Variants in GRID1 observed in about 807,000 individuals in gnomAD.
GRID1 encodes the protein glutamate receptor ionotropic, delta-1.
In GRID1, 28 loss-of-function variants were observed where a neutral mutation model predicts 98.0. That is an observed-to-expected ratio of 0.29 (90% CI 0.21 to 0.39). The LOEUF (loss-of-function observed/expected upper bound fraction) is 0.39. GRID1 is among the 10% of genes least tolerant of loss of function. The probability of loss-of-function intolerance (pLI) is 1.00; values close to 1 mark genes in which losing one functional copy is unlikely to be tolerated. For synonymous variants in GRID1, 553 were observed against 538.5 expected (o/e 1.03, Z -0.37); for missense variants, 1,111 against 1,340.5 (o/e 0.83, Z 2.67).
chr10:85,911,861 T>A (rs1210289763), intron 5 of GRID1, among the ~76,000 whole-genome samples: 1 of 152,110 alleles, frequency 6.6e-6, no homozygotes, highest in East Asian at 1.9e-4. Flanking sequence ...AGGAAACATT[T>A]TACCTCAGCT....
intron 2 of GRID1, among the ~76,000 whole-genome samples, 155 bp downstream of exon 2, chr10:86,363,786 G>A (rs1013450110): frequency 1.2e-4 from 18 of 152,192 alleles, no homozygotes; most frequent in African/African-American, 3.9e-4. Context: ...TGCCTAGGTG[G>A]GCCGGGGAAG....
rs1845889232 is a variant in GRID1, at chr10:86,197,315, G to C, written c.520+9049C>G. Among the ~76,000 whole-genome samples the C allele has an allele frequency of 2.0e-5, 3 of 152,120 alleles. No homozygotes were observed. In the East Asian group the frequency reaches 5.8e-4, roughly 29 times the overall value. On this transcript the variant is annotated intron_variant, in intron 3 of 15. Transcript: ENST00000327946. ...GCCCAAAGCCTCTGCAGCAGGTTGT[G>C]CCGGGCACGCTCATGGAGCAGCAAG...
intron 3 of GRID1, among the ~76,000 whole-genome samples, chr10:86,153,592 G>C (rs1845200810): frequency 6.6e-6 from 1 of 152,114 alleles, no homozygotes; most frequent in Non-Finnish European, 1.5e-5. Flanking sequence ...GCTCAAGATG[G>C]GGCTGGTGGT....
intron 4 of GRID1, among the ~76,000 whole-genome samples, chr10:86,006,963 A>G (rs780237411): frequency 2.0e-5 from 3 of 152,080 alleles, no homozygotes; most frequent in Non-Finnish European, 4.4e-5. Context: ...GGGATGGTAA[A>G]CTACCCAGCA....
intron 8 of GRID1, among the ~76,000 whole-genome samples, chr10:85,771,963 C>G (rs1005479642): frequency 7.2e-5 from 11 of 152,126 alleles, no homozygotes; most frequent in Non-Finnish European, 1.0e-4. Context: ...AGCTCTGCAC[C>G]AAGTGGACCT....
rs1554825169 is a variant in GRID1 at position 85,692,677 on chromosome 10, A to AAG, written c.1997+30325_1997+30326insCT. On this transcript the variant is annotated intron_variant, in intron 12 of 15. Transcript: ENST00000327946. ...GTGAGACCCTGTTAAAAAAAAAAAA[A>AAG]AAGAAGAAGAAGAAGAAAGAAACAC... Among the ~76,000 whole-genome samples, 349 of 150,188 alleles carry AAG rather than the reference A, an allele frequency of 2.3e-3. 2 individuals are homozygous for AAG. Among genetic ancestry groups the AAG allele is most frequent in the Middle Eastern group, 0.014 (4 of 294 alleles).
intron 4 of GRID1, among the ~76,000 whole-genome samples, chr10:85,943,018 A>G (rs1842014091): frequency 6.6e-6 from 1 of 152,230 alleles, no homozygotes; most frequent in South Asian, 2.1e-4. Flanking sequence ...AAACTATTCT[A>G]TTATTCCATT....
intron 2 of GRID1, among the ~76,000 whole-genome samples, chr10:86,320,952 T>G (rs1280656575): frequency 1.3e-5 from 2 of 151,684 alleles, no homozygotes; most frequent in African/African-American, 4.8e-5. Context: ...CACAAAAAAT[T>G]GGCTGGGCGT....
At chr10:85,712,638 A>G (rs558424839) in intron 12 of GRID1, among the ~76,000 whole-genome samples, 5 of 151,998 alleles carry the variant, frequency 3.3e-5, no homozygotes, top group South Asian at 2.1e-4. Flanking sequence ...TTCAACTTTC[A>G]TGGAACATTC....
At chr10:86,196,602 A>G (rs1175897283) in intron 3 of GRID1, among the ~76,000 whole-genome samples, 1 of 152,114 alleles carries the variant, frequency 6.6e-6, no homozygotes, top group Non-Finnish European at 1.5e-5. Flanking sequence ...ACCAGACCTC[A>G]GCAGCACCAT....
At chr10:86,088,775 A>G (rs1249058394) in intron 4 of GRID1, among the ~76,000 whole-genome samples, 1 of 152,208 alleles carries the variant, frequency 6.6e-6, no homozygotes, top group Non-Finnish European at 1.5e-5. Flanking sequence ...AAGGCAGACC[A>G]GCTCAGGACC....
chr10:85,991,090 T>C (rs930236838), intron 4 of GRID1, among the ~76,000 whole-genome samples: 7 of 152,082 alleles, frequency 4.6e-5, no homozygotes, highest in African/African-American at 1.7e-4. Flanking sequence ...CTCTGACCCA[T>C]GAGGGAAGGG....
At chr10:85,785,991 C>T (rs1842425162) in intron 8 of GRID1, among the ~76,000 whole-genome samples, 1 of 151,968 alleles carries the variant, frequency 6.6e-6, no homozygotes, top group Admixed American at 6.6e-5. Context: ...CACAGACACA[C>T]ACACGTACAC....
chr10:85,977,352 G>A (rs946694030), intron 4 of GRID1, among the ~76,000 whole-genome samples: 3 of 152,142 alleles, frequency 2.0e-5, no homozygotes, highest in African/African-American at 4.8e-5. Flanking sequence ...AGGGGAACAG[G>A]TAGGAATGAG....
chr10:85,707,490 T>C (rs1841533955), intron 12 of GRID1, among the ~76,000 whole-genome samples: 1 of 152,078 alleles, frequency 6.6e-6, no homozygotes, highest in Non-Finnish European at 1.5e-5. Context: ...TGTGGAGAAA[T>C]AGGAACACTT....
intron 5 of GRID1, among the ~76,000 whole-genome samples, chr10:85,871,183 T>C (rs536164978): frequency 1.2e-3 from 183 of 152,324 alleles, no homozygotes; most frequent in African/African-American, 4.2e-3. Flanking sequence ...CATCGCAGCT[T>C]AGCCTTGCTC....
At chr10:85,608,472 G>A (rs1842697143) in intron 15 of GRID1, among the ~76,000 whole-genome samples, 1 of 152,314 alleles carries the variant, frequency 6.6e-6, no homozygotes, top group Admixed American at 6.5e-5. Flanking sequence ...CTTTACGGGA[G>A]TCTTGACTAG....
intron 4 of GRID1, among the ~76,000 whole-genome samples, chr10:85,968,673 G>C (rs1842370143): frequency 6.6e-6 from 1 of 151,646 alleles, no homozygotes; most frequent in Non-Finnish European, 1.5e-5. Context: ...AATTCCCAGG[G>C]CAACCACCAC....
intron 4 of GRID1, among the ~76,000 whole-genome samples, chr10:85,992,824 T>C (rs948807367): frequency 6.6e-6 from 1 of 151,872 alleles, no homozygotes; most frequent in Admixed American, 6.6e-5. Flanking sequence ...CATGGTGGCG[T>C]GCACCTGTAG....
Sources: gnomAD v4.1 joint callset for allele counts (sites outside exome capture counted in the v4.1 genomes callset) on GRCh38, gnomAD v4.1.1 for gene constraint, MANE v1.5 for transcripts, NCBI Gene and HGNC (gene_info 2026-07-23, HGNC 2026-07-21) for gene names.